RBM19: variants seen among roughly 807,000 people sequenced by gnomAD.
The protein encoded by RBM19 is RNA binding motif protein 19, also known as probable RNA-binding protein 19.
RBM19 carries 94 observed loss-of-function variants against 116.8 expected under a neutral mutation model. The observed-to-expected ratio is 0.80, with a 90% CI of 0.68 to 0.95. The LOEUF (loss-of-function observed/expected upper bound fraction) is 0.95, where lower values mean the gene tolerates loss of function less well. RBM19 is among the 40% of genes least tolerant of loss of function. The pLI is 0.00. For synonymous variants in RBM19, 475 were observed against 494.1 expected (o/e 0.96, Z 0.51); for missense variants, 1,161 against 1,220.7 (o/e 0.95, Z 0.73).
intron 18 of RBM19, 122 bp from the exon 19 acceptor site, chr12:113,920,812 TC>T (rs1309147001): frequency 4.7e-6 from 4 of 850,650 alleles, no homozygotes; most frequent in Non-Finnish European, 3.8e-6. Flanking sequence ...CCCCCTTCAT[TC>T]CCCCCAAAAA....
Position 113,915,101 on chromosome 12 carries a change from G to A in RBM19, c.2442-16C>T. 9 of 1,602,092 alleles carry A rather than the reference G, an allele frequency of 5.6e-6. No homozygotes were observed. The highest frequency in any genetic ancestry group is 1.1e-5 in the South Asian group (1 of 90,810). ...CACGGCTGGCCTGGAGTGGTGGGGG[G>A]AGAGGGTCCAAGTTATTCGGAGCTT... On this transcript the variant is annotated splice_polypyrimidine_tract_variant and intron_variant, in intron 20 of 23. Coordinates refer to ENST00000261741, the MANE Select transcript of RBM19 (RefSeq NM_016196.4).
intron 7 of RBM19, 152 bp downstream of exon 7, chr12:113,954,979 G>A: frequency 1.4e-6 from 1 of 702,698 alleles, no homozygotes; most frequent in Non-Finnish European, 2.4e-6. Flanking sequence ...CGATGCCGGA[G>A]ATGTTATTTC....
intron 21 of RBM19, among the ~76,000 whole-genome samples, chr12:113,906,186 A>C (rs1351914680): frequency 6.6e-6 from 1 of 152,280 alleles, no homozygotes; most frequent in Non-Finnish European, 1.5e-5. Flanking sequence ...GCAGTATTTG[A>C]AATAGCCCAA....
At chr12:113,840,572 C>A (rs556253742) in intron 23 of RBM19, among the ~76,000 whole-genome samples, 35 of 152,372 alleles carry the variant, frequency 2.3e-4, no homozygotes, top group South Asian at 1.9e-3. Flanking sequence ...CCCTACTGAA[C>A]GTGTCACAGG....
chr12:113,859,693 C>T (rs1878209267), intron 21 of RBM19, among the ~76,000 whole-genome samples: 1 of 152,142 alleles, frequency 6.6e-6, no homozygotes, highest in South Asian at 2.1e-4. Flanking sequence ...CCCTTGCCTC[C>T]CTGTCTCACT....
chr12:113,882,656 G>A (rs1014782963), intron 21 of RBM19, among the ~76,000 whole-genome samples: 12 of 152,226 alleles, frequency 7.9e-5, no homozygotes, highest in Non-Finnish European at 1.3e-4. Context: ...TATGGGAAGC[G>A]GGGCCCATGC....
chr12:113,867,941 A>G (rs1878948883), intron 21 of RBM19, among the ~76,000 whole-genome samples: 2 of 152,184 alleles, frequency 1.3e-5, no homozygotes, highest in South Asian at 4.1e-4. Flanking sequence ...AAATAAATAA[A>G]TAAATAAATA....
At position 113,950,269 on chromosome 12, in the gene RBM19, C is replaced by T. The variant is rs140206536; in HGVS notation, c.1001-115G>A. 5.1e-5 allele frequency: 42 copies of T among 821,204 alleles called. No individual in the cohort carries two copies. In the Middle Eastern group the frequency reaches 1.2e-3, roughly 23 times the overall value. The allele number at this position is 821,204 out of a possible 1,614,324, so 50.9% of individuals were successfully genotyped here. On this transcript the variant is annotated intron_variant, in intron 8 of 23. Coordinates refer to ENST00000261741, the MANE Select transcript of RBM19 (RefSeq NM_016196.4). ...CAGAAAGTGAGGGAGAAACCTCTAC[C>T]TTGGTCAGATCTCCAAAATACAAAG...
At chr12:113,916,329 C>T (rs1882770403) in intron 20 of RBM19, among the ~76,000 whole-genome samples, 1 of 152,204 alleles carries the variant, frequency 6.6e-6, no homozygotes, top group Non-Finnish European at 1.5e-5. Flanking sequence ...ATTGCTTGAA[C>T]CCAGGAGGCG....
chr12:113,934,366 G>C (rs11066823), intron 16 of RBM19, among the ~76,000 whole-genome samples: 24,291 of 152,248 alleles, frequency 0.16, 2,578 homozygotes, highest in African/African-American at 0.3. Flanking sequence ...AGGTGGCTTG[G>C]CCAGTCACAG....
chr12:113,939,262 C>T (rs560622920), intron 15 of RBM19, among the ~76,000 whole-genome samples: 15 of 151,948 alleles, frequency 9.9e-5, no homozygotes, highest in Non-Finnish European at 1.8e-4. Flanking sequence ...ACCAAGATGG[C>T]GCCACTGCAC....
chr12:113,889,694 C>T (rs1331568409), intron 21 of RBM19, among the ~76,000 whole-genome samples: 1 of 151,740 alleles, frequency 6.6e-6, no homozygotes, highest in Admixed American at 6.6e-5. Context: ...ACAAAAAGAC[C>T]CCAAAACCCA....
At chr12:113,840,490 T>C (rs1444250002) in intron 23 of RBM19, among the ~76,000 whole-genome samples, 2 of 152,224 alleles carry the variant, frequency 1.3e-5, no homozygotes, top group African/African-American at 2.4e-5. Flanking sequence ...TAGGTTACCA[T>C]ACACACTGGA....
At chr12:113,900,465 G>A (rs1881617876) in intron 21 of RBM19, among the ~76,000 whole-genome samples, 1 of 152,194 alleles carries the variant, frequency 6.6e-6, no homozygotes, top group Non-Finnish European at 1.5e-5. Context: ...GTTCCAGGCA[G>A]CCATGACCAA....
chr12:113,854,068 C>A (rs542857582), intron 22 of RBM19, among the ~76,000 whole-genome samples: 1 of 152,026 alleles, frequency 6.6e-6, no homozygotes, highest in Non-Finnish European at 1.5e-5. Context: ...GAGGAGGAAT[C>A]CCTGAATGCA....
chr12:113,939,961 T>G lies in RBM19; in HGVS notation c.1937A>C (p.Lys646Thr), dbSNP rs752003323. 3.1e-6 allele frequency: 5 copies of G among 1,613,790 alleles called. No homozygotes were observed. The highest frequency in any genetic ancestry group is 1.1e-5 in the South Asian group (1 of 91,072). ...ATTCTGGGTCTCCAGCAGCCCTACC[T>G]TGGAATAGGCCAGATGCCTGAAGGC... Reference protein sequence around the residue: ...RKAFRHLAYSKFHHVPLYLEW... With the variant: ...RKAFRHLAYSTFHHVPLYLEW... The change falls in exon 15 of 24, where the codon AAG (lysine) becomes ACG (threonine). Residue 646 changes from lysine to threonine, a missense_variant and splice_region_variant. Coordinates refer to ENST00000261741, the MANE Select transcript of RBM19 (RefSeq NM_016196.4).
chr12:113,910,514 C>T (rs189008589), intron 21 of RBM19, among the ~76,000 whole-genome samples: 198 of 152,318 alleles, frequency 1.3e-3, no homozygotes, highest in Middle Eastern at 6.8e-3. Context: ...GAACCTCCTT[C>T]CTGGAAGATG....
intron 15 of RBM19, 121 bp from the exon 16 acceptor site, chr12:113,937,257 G>A: frequency 8.5e-7 from 1 of 1,176,906 alleles, no homozygotes; most frequent in African/African-American, 1.6e-5. Flanking sequence ...ACCCAAGAAT[G>A]GAGCCGGAAG....
At chr12:113,835,917 G>C (rs77633626) in intron 23 of RBM19, among the ~76,000 whole-genome samples, 4 of 152,228 alleles carry the variant, frequency 2.6e-5, no homozygotes, top group Non-Finnish European at 5.9e-5. Flanking sequence ...CTCCCTGGCT[G>C]TGAGTGCTGT....
Sources: gnomAD v4.1 joint callset for allele counts (sites outside exome capture counted in the v4.1 genomes callset) on GRCh38, gnomAD v4.1.1 for gene constraint, MANE v1.5 for transcripts, NCBI Gene and HGNC (gene_info 2026-07-23, HGNC 2026-07-21) for gene names.